Variants in NTM observed in about 807,000 individuals in gnomAD.
NTM encodes IgLON family member 2.
NTM carries 13 observed loss-of-function variants against 42.1 expected under a neutral mutation model. The ratio of observed to expected loss-of-function variants is 0.31; its 90% CI spans 0.20 to 0.49. The LOEUF is 0.49. Ranked by LOEUF, NTM falls within the 20% of genes least tolerant of loss-of-function variation. NTM has a pLI of 0.99. For missense variants in NTM, 373 were observed against 452.8 expected (o/e 0.82, Z 1.60); for synonymous variants, 187 against 179.2 (o/e 1.04, Z -0.35).
chr11:131,936,555 T>C (rs1046460619), intron 2 of NTM, among the ~76,000 whole-genome samples: 1 of 152,152 alleles, frequency 6.6e-6, no homozygotes, highest in Admixed American at 6.6e-5. Flanking sequence ...ACTACTTGAG[T>C]GATGGGTGCA....
intron 1 of NTM, among the ~76,000 whole-genome samples, chr11:131,465,429 T>G (rs1951792908): frequency 6.6e-6 from 1 of 152,122 alleles, no homozygotes; most frequent in Non-Finnish European, 1.5e-5. Context: ...CTAGAAGTAC[T>G]AGACTGGTGA....
intron 4 of NTM, among the ~76,000 whole-genome samples, chr11:132,280,481 T>C (rs1420744544): frequency 1.7e-5 from 1 of 60,138 alleles, no homozygotes; most frequent in African/African-American, 5.8e-5. Flanking sequence ...TCTTCTTTTT[T>C]TTTTTTTTTT....
At chr11:132,314,939 A>AGTATATGTATAGTACAT (rs2095387548) in intron 7 of NTM, 1 of 1,279,940 alleles carries the variant, frequency 7.8e-7, no homozygotes, top group South Asian at 2.9e-5. Flanking sequence ...TATACAAAGT[A>AGTATATGTATAGTACAT]GTATATGTAT....
At chr11:131,479,251 A>G (rs1009683989) in intron 1 of NTM, among the ~76,000 whole-genome samples, 4 of 152,202 alleles carry the variant, frequency 2.6e-5, no homozygotes, top group African/African-American at 9.6e-5. Flanking sequence ...ATTATAATAC[A>G]ATGGAAAATG....
intron 2 of NTM, among the ~76,000 whole-genome samples, chr11:132,048,841 G>A (rs1341714390): frequency 1.6e-5 from 2 of 123,700 alleles, no homozygotes; most frequent in African/African-American, 3.0e-5. Context: ...TTTTTTTATA[G>A]CAGCTATTAC....
rs568526635 is a variant in NTM at position 131,623,932 on chromosome 11, G to C, written c.82+253044G>C. 1.4e-4 allele frequency among the ~76,000 whole-genome samples: 22 copies of C among 152,316 alleles called. 1 individual carries two copies. Among genetic ancestry groups the C allele is most frequent in the Admixed American group, 1.2e-3 (18 of 15,304 alleles). The stretch of plus-strand genomic sequence containing the variant: ...ATGAAGGGCCTACCCTGGCCGCTCC[G>C]ACCTTGAGTCTCCTCATCCACTCTC... On this transcript the variant is annotated intron_variant, in intron 1 of 8. Transcript: ENST00000683400.
At chr11:131,542,737 T>C (rs2053442221) in intron 1 of NTM, among the ~76,000 whole-genome samples, 2 of 151,994 alleles carry the variant, frequency 1.3e-5, no homozygotes, top group African/African-American at 4.8e-5. Context: ...AGCACACCAT[T>C]GTCTATATCA....
chr11:131,662,245 T>C (rs2068206452), intron 1 of NTM: 1 of 152,236 alleles, frequency 6.6e-6, no homozygotes, highest in South Asian at 2.1e-4. Context: ...AAAACCCAGC[T>C]TCCCCCTCTA....
intron 1 of NTM, among the ~76,000 whole-genome samples, chr11:131,811,106 T>C (rs992741536): frequency 7.2e-5 from 11 of 152,194 alleles, no homozygotes; most frequent in African/African-American, 2.7e-4. Context: ...AGGAATGGGA[T>C]GTTGTTATGG....
intron 1 of NTM, among the ~76,000 whole-genome samples, chr11:131,382,098 C>T (rs759590766): frequency 5.9e-5 from 9 of 152,146 alleles, no homozygotes; most frequent in Non-Finnish European, 1.0e-4. Flanking sequence ...ATTTAAAATA[C>T]TCAACTTCCA....
chr11:131,394,075 G>A (rs1457412956), intron 1 of NTM, among the ~76,000 whole-genome samples: 5 of 152,208 alleles, frequency 3.3e-5, no homozygotes, highest in African/African-American at 1.2e-4. Flanking sequence ...GAAGAAAATT[G>A]TACCGGAGAA....
At chr11:131,694,667 T>C (rs934968968) in intron 1 of NTM, among the ~76,000 whole-genome samples, 3 of 152,094 alleles carry the variant, frequency 2.0e-5, no homozygotes, top group Non-Finnish European at 4.4e-5. Flanking sequence ...GGGCTGGCAG[T>C]ACCTCCGAAG....
chr11:132,315,039 G>C, intron 7 of NTM: 3 of 1,082,164 alleles, frequency 2.8e-6, no homozygotes, highest in Non-Finnish European at 3.4e-6. Flanking sequence ...AAGATCCCGA[G>C]ATAGGAGAAA....
At chr11:132,062,859 T>G (rs542966572) in intron 2 of NTM, among the ~76,000 whole-genome samples, 1 of 152,208 alleles carries the variant, frequency 6.6e-6, no homozygotes, top group South Asian at 2.1e-4. Flanking sequence ...TACAAAGAAA[T>G]GGAAGGCCAG....
intron 2 of NTM, among the ~76,000 whole-genome samples, chr11:132,030,247 A>G (rs551661743): frequency 6.6e-6 from 1 of 152,132 alleles, no homozygotes; most frequent in South Asian, 2.1e-4. Context: ...CACCTACTCC[A>G]CCTAAAATAA....
At chr11:132,125,274 C>T (rs1182028731) in intron 2 of NTM, among the ~76,000 whole-genome samples, 9 of 103,710 alleles carry the variant, frequency 8.7e-5, no homozygotes. Flanking sequence ...AAATAATGTA[C>T]TGGTGTGTGT....
chr11:131,997,743 C>T (rs2068347443), intron 2 of NTM, among the ~76,000 whole-genome samples: 2 of 152,122 alleles, frequency 1.3e-5, no homozygotes, highest in South Asian at 4.1e-4. Flanking sequence ...GCTCTCGAGC[C>T]TGTGATTCCC....
At chr11:131,487,626 T>C (rs1357896219) in intron 1 of NTM, among the ~76,000 whole-genome samples, 3 of 152,222 alleles carry the variant, frequency 2.0e-5, no homozygotes, top group African/African-American at 7.2e-5. Context: ...AGATATGGTA[T>C]TGAGGAGACA....
intron 1 of NTM, among the ~76,000 whole-genome samples, chr11:131,442,505 G>T (rs1949702414): frequency 6.6e-6 from 1 of 152,086 alleles, no homozygotes; most frequent in African/African-American, 2.4e-5. Context: ...TGGGCTTCTA[G>T]TGTACCCATC....
Sources: allele counts gnomAD v4.1 joint callset (sites outside exome capture counted in the v4.1 genomes callset), GRCh38; gene constraint gnomAD v4.1.1; transcripts MANE v1.5; gene names NCBI Gene and HGNC (gene_info 2026-07-23, HGNC 2026-07-21).